B3GALT1: variants seen among roughly 807,000 people sequenced by gnomAD.
B3GALT1 encodes UDP-Gal:betaGlcNAc beta 1,3-galactosyltransferase, polypeptide 1.
In B3GALT1, 10 loss-of-function variants were observed where a neutral mutation model predicts 23.2. The ratio of observed to expected loss-of-function variants is 0.43; its 90% CI spans 0.27 to 0.73. The LOEUF (loss-of-function observed/expected upper bound fraction) is 0.73, where lower values mean the gene tolerates loss of function less well. B3GALT1 is among the 30% of genes least tolerant of loss of function. B3GALT1 has a pLI of 0.21. For missense variants in B3GALT1, 299 were observed against 405.4 expected, an observed-to-expected ratio of 0.74 and a Z score of 2.25; for synonymous variants, 156 against 141.5, an observed-to-expected ratio of 1.10 and a Z score of -0.73.
intron 1 of B3GALT1, among the ~76,000 whole-genome samples, chr2:167,373,396 G>C (rs1280871523): frequency 1.3e-5 from 2 of 151,724 alleles, no homozygotes; most frequent in African/African-American, 4.8e-5. Context: ...CTCTTTGAAA[G>C]ACAACACTAA....
intron 2 of B3GALT1, among the ~76,000 whole-genome samples, chr2:167,581,639 C>T (rs1365635896): frequency 2.0e-5 from 3 of 152,170 alleles, no homozygotes; most frequent in Non-Finnish European, 4.4e-5. Context: ...GCAGTTATAT[C>T]AAGTGAAAAT....
At chr2:167,799,676 C>T (rs1044944170) in intron 3 of B3GALT1, among the ~76,000 whole-genome samples, 5 of 152,066 alleles carry the variant, frequency 3.3e-5, no homozygotes, top group Non-Finnish European at 5.9e-5. Context: ...TCATTAAACC[C>T]GATTTTAAGT....
rs530296202 is a variant in B3GALT1, at chr2:167,808,534, A to C, written c.-351-10138A>C. ...TCTGTAAAGTATTTTATTTCTTCTTAACTTATGAAGCTTAATTTGTCTGGA... is the reference window on the plus strand; with the variant it reads ...TCTGTAAAGTATTTTATTTCTTCTTCACTTATGAAGCTTAATTTGTCTGGA... On this transcript the variant is annotated intron_variant, in intron 3 of 4. Coordinates refer to ENST00000392690, the MANE Select transcript of B3GALT1 (RefSeq NM_020981.4). Among the ~76,000 whole-genome samples the C allele has an allele frequency of 1.9e-4, 29 of 151,912 alleles. No individual in the cohort carries two copies. The East Asian group carries it at 4.2e-3, about 22-fold the overall frequency.
intron 1 of B3GALT1, among the ~76,000 whole-genome samples, chr2:167,363,160 C>T (rs1375423339): frequency 6.6e-6 from 1 of 151,678 alleles, no homozygotes; most frequent in Non-Finnish European, 1.5e-5. Flanking sequence ...CGGCCTAAGG[C>T]TTTGTTTTCT....
chr2:167,752,424 T>A (rs1331865479), intron 3 of B3GALT1, among the ~76,000 whole-genome samples: 5 of 152,144 alleles, frequency 3.3e-5, no homozygotes, highest in Admixed American at 2.6e-4. Flanking sequence ...ATGTAAAGCA[T>A]ATTGCTTTTG....
intron 1 of B3GALT1, among the ~76,000 whole-genome samples, chr2:167,299,879 T>C (rs1164731868): frequency 6.6e-6 from 1 of 151,294 alleles, no homozygotes; most frequent in Non-Finnish European, 1.5e-5. Context: ...ATATATTCTT[T>C]TTTTAACTTT....
At chr2:167,712,275 C>A (rs193123107) in intron 3 of B3GALT1, among the ~76,000 whole-genome samples, 44 of 152,264 alleles carry the variant, frequency 2.9e-4, no homozygotes, top group African/African-American at 1.0e-3. Context: ...AAGAGAGCCT[C>A]TAAATATGCT....
intron 2 of B3GALT1, among the ~76,000 whole-genome samples, chr2:167,623,572 GA>G (rs1486583693): frequency 1.1e-4 from 16 of 151,982 alleles, no homozygotes; most frequent in African/African-American, 3.9e-4. Flanking sequence ...TGGGCACAGG[GA>G]GGGGAACATC....
intron 3 of B3GALT1, among the ~76,000 whole-genome samples, chr2:167,670,631 A>G (rs995904921): frequency 2.0e-5 from 3 of 152,232 alleles, no homozygotes; most frequent in Admixed American, 1.3e-4. Context: ...TTAGCAAGCT[A>G]TAAGCAAACA....
At position 167,375,381 on chromosome 2, in the gene B3GALT1, G is replaced by T. The variant is rs559393753; in HGVS notation, c.-511+82047G>T. ...TTTTTTTCCAATTCTGTGAAAAATGGCATTGGTAGTTTGATAGGAATAGCG... is the reference window on the plus strand; with the variant it reads ...TTTTTTTCCAATTCTGTGAAAAATGTCATTGGTAGTTTGATAGGAATAGCG... On this transcript the variant is annotated intron_variant, in intron 1 of 4. Coordinates refer to ENST00000392690, the MANE Select transcript of B3GALT1 (RefSeq NM_020981.4). Among the ~76,000 whole-genome samples the T allele has an allele frequency of 2.1e-3, 319 of 152,088 alleles. 2 individuals are homozygous for T. The highest frequency in any genetic ancestry group is 3.0e-3 in the Non-Finnish European group (207 of 67,954).
chr2:167,429,307 A>C (rs975377510), intron 1 of B3GALT1, among the ~76,000 whole-genome samples: 1 of 151,522 alleles, frequency 6.6e-6, no homozygotes, highest in Admixed American at 6.6e-5. Flanking sequence ...AAAATAAGAA[A>C]TGTTTTAAAA....
At chr2:167,724,005 T>G (rs758009493) in intron 3 of B3GALT1, among the ~76,000 whole-genome samples, 10 of 152,216 alleles carry the variant, frequency 6.6e-5, no homozygotes, top group Non-Finnish European at 1.3e-4. Flanking sequence ...TTTTTACATT[T>G]GATACATCTA....
chr2:167,601,859 G>A (rs907330143), intron 2 of B3GALT1, among the ~76,000 whole-genome samples: 2 of 152,190 alleles, frequency 1.3e-5, no homozygotes, highest in Non-Finnish European at 1.5e-5. Flanking sequence ...CAGTGAACAT[G>A]AAAAGCTTAT....
In B3GALT1 at chr2:167,557,540, G is replaced by A. The variant is rs150368055; in HGVS notation, c.-410+67263G>A. Among the ~76,000 whole-genome samples, 15 of 152,240 alleles carry A rather than the reference G, an allele frequency of 9.9e-5. No homozygotes were observed. In the East Asian group the frequency reaches 1.7e-3, roughly 18 times the overall value. ...TTTGGCAGGACACAGGGCAACCCTC[G>A]TTCTTTCTTTCTGCTCTTTGGAGGT... On this transcript the variant is annotated intron_variant, in intron 2 of 4. Transcript: ENST00000392690.
intron 2 of B3GALT1, among the ~76,000 whole-genome samples, chr2:167,624,544 G>C (rs1685309551): frequency 6.6e-6 from 1 of 152,056 alleles, no homozygotes; most frequent in South Asian, 2.1e-4. Flanking sequence ...TTTTATTTGT[G>C]AGAAAGCTGA....
chr2:167,632,765 T>C (rs1391247138), intron 2 of B3GALT1, among the ~76,000 whole-genome samples: 1 of 152,114 alleles, frequency 6.6e-6, no homozygotes, highest in Non-Finnish European at 1.5e-5. Flanking sequence ...ACTCTGATGA[T>C]AGTTTCTTTT....
chr2:167,497,194 C>CT (rs2105346052), intron 2 of B3GALT1, among the ~76,000 whole-genome samples: 1 of 152,168 alleles, frequency 6.6e-6, no homozygotes, highest in African/African-American at 2.4e-5. Flanking sequence ...GAATTTAGAA[C>CT]TGTTGTACAA....
At chr2:167,622,441 G>A (rs1685275427) in intron 2 of B3GALT1, among the ~76,000 whole-genome samples, 1 of 152,036 alleles carries the variant, frequency 6.6e-6, no homozygotes, top group African/African-American at 2.4e-5. Flanking sequence ...AATGCCCTGA[G>A]GAAATATATT....
intron 4 of B3GALT1, among the ~76,000 whole-genome samples, chr2:167,832,947 C>T (rs145495971): frequency 3.3e-5 from 5 of 152,178 alleles, no homozygotes; most frequent in African/African-American, 9.7e-5. Flanking sequence ...CAGCAGGGAA[C>T]GAGCCAGGGC....
Sources: gnomAD v4.1 joint callset for allele counts (sites outside exome capture counted in the v4.1 genomes callset) on GRCh38, gnomAD v4.1.1 for gene constraint, MANE v1.5 for transcripts, NCBI Gene and HGNC (gene_info 2026-07-23, HGNC 2026-07-21) for gene names.